Variants in PARD3 observed in about 807,000 individuals in gnomAD.
PARD3 encodes partitioning defective 3 homolog.
In PARD3, 75 loss-of-function variants were observed where a neutral mutation model predicts 155.4. The ratio of observed to expected loss-of-function variants is 0.48; its 90% CI spans 0.40 to 0.58. PARD3 has a LOEUF of 0.58. PARD3 is among the 20% of genes least tolerant of loss of function. PARD3 has a pLI of 0.00. For synonymous variants in PARD3, 576 were observed against 610.5 expected (o/e 0.94, Z 0.83); for missense variants, 1,642 against 1,721.7 (o/e 0.95, Z 0.82).
intron 22 of PARD3, among the ~76,000 whole-genome samples, chr10:34,236,161 A>T (rs535255640): frequency 6.6e-6 from 1 of 152,194 alleles, no homozygotes; most frequent in Non-Finnish European, 1.5e-5. Flanking sequence ...TTATGATCTA[A>T]GGAAATGGGG....
intron 20 of PARD3, among the ~76,000 whole-genome samples, chr10:34,298,304 ATGT>A (rs1564559504): frequency 6.6e-6 from 1 of 152,182 alleles, no homozygotes; most frequent in African/African-American, 2.4e-5. Context: ...ATAGAAACAC[ATGT>A]TAAGACACTC....
intron 2 of PARD3, among the ~76,000 whole-genome samples, chr10:34,671,992 T>C (rs569157398): frequency 4.2e-4 from 62 of 147,808 alleles, no homozygotes; most frequent in African/African-American, 1.4e-3. Flanking sequence ...CTGGGCAACA[T>C]AGGGAGACCC....
intron 1 of PARD3, among the ~76,000 whole-genome samples, chr10:34,703,647 G>C (rs539540475): frequency 2.0e-5 from 3 of 152,154 alleles, no homozygotes; most frequent in Admixed American, 2.0e-4. Flanking sequence ...GTTCCATAGA[G>C]ACCCCAACAC....
chr10:34,398,766 A>T (rs1323739757), intron 7 of PARD3, among the ~76,000 whole-genome samples: 1 of 152,218 alleles, frequency 6.6e-6, no homozygotes, highest in Non-Finnish European at 1.5e-5. Context: ...TTAAGGATGC[A>T]TGTTCTGTAA....
chr10:34,568,240 C>T (rs1463791134), intron 2 of PARD3, among the ~76,000 whole-genome samples: 1 of 152,186 alleles, frequency 6.6e-6, no homozygotes, highest in Non-Finnish European at 1.5e-5. Flanking sequence ...TCGAAATTTA[C>T]CCTGCTAAAG....
intron 3 of PARD3, among the ~76,000 whole-genome samples, chr10:34,511,721 C>A (rs1216731743): frequency 6.6e-6 from 1 of 152,132 alleles, no homozygotes; most frequent in Non-Finnish European, 1.5e-5. Flanking sequence ...AAAGGATACA[C>A]AGAATAGATT....
At chr10:34,717,526 A>G (rs1361674332) in intron 1 of PARD3, among the ~76,000 whole-genome samples, 1 of 152,194 alleles carries the variant, frequency 6.6e-6, no homozygotes, top group Non-Finnish European at 1.5e-5. Flanking sequence ...TGTAGACACC[A>G]TTCACCCAGA....
At chr10:34,545,837 T>C (rs2084001788) in intron 2 of PARD3, among the ~76,000 whole-genome samples, 1 of 152,226 alleles carries the variant, frequency 6.6e-6, no homozygotes, top group South Asian at 2.1e-4. Flanking sequence ...GGATTACAGA[T>C]GTGAGCCACT....
At chr10:34,759,138 C>T (rs1345183250) in intron 1 of PARD3, among the ~76,000 whole-genome samples, 1 of 150,984 alleles carries the variant, frequency 6.6e-6, no homozygotes, top group Non-Finnish European at 1.5e-5. Flanking sequence ...AAAAAAAACT[C>T]AATACTGAGA....
chr10:34,407,221 C>T (rs1436028593), intron 5 of PARD3, among the ~76,000 whole-genome samples: 2 of 152,306 alleles, frequency 1.3e-5, no homozygotes, highest in Non-Finnish European at 2.9e-5. Context: ...GGAGGGGCTT[C>T]TCCGGTCTAA....
At chr10:34,333,072 T>C (rs1422488845) in intron 18 of PARD3, among the ~76,000 whole-genome samples, 1 of 152,168 alleles carries the variant, frequency 6.6e-6, no homozygotes, top group African/African-American at 2.4e-5. Flanking sequence ...ATTTACCAGC[T>C]ATATTTGGCT....
intron 22 of PARD3, among the ~76,000 whole-genome samples, chr10:34,148,981 G>C (rs181843936): frequency 5.3e-5 from 8 of 152,030 alleles, no homozygotes; most frequent in Non-Finnish European, 5.9e-5. Flanking sequence ...AGAAACCGTT[G>C]ATCATGACAC....
At chr10:34,527,366 A>T (rs1345299877) in intron 2 of PARD3, among the ~76,000 whole-genome samples, 1 of 152,178 alleles carries the variant, frequency 6.6e-6, no homozygotes. Context: ...CTGACTTCAC[A>T]ATTTGAACAA....
chr10:34,712,581 C>T lies in PARD3; in HGVS notation c.121-16162G>A, dbSNP rs1454021317. 2.0e-5 allele frequency among the ~76,000 whole-genome samples: 3 copies of T among 152,338 alleles called. No homozygotes were observed. In the South Asian group the frequency reaches 6.2e-4, roughly 32 times the overall value. On this transcript the variant is annotated intron_variant, in intron 1 of 24. Transcript: ENST00000374788. ...AACACCACATAATGTCACAGTCAAG[C>T]ATAGCTTAGGCTCAGACGCTAACCT...
chr10:34,412,552 AAC>A (rs1366789318), intron 5 of PARD3, among the ~76,000 whole-genome samples: 11 of 152,212 alleles, frequency 7.2e-5, no homozygotes. Flanking sequence ...AAGTGGTGAC[AAC>A]ACAGAATGTC....
intron 1 of PARD3, among the ~76,000 whole-genome samples, chr10:34,707,883 G>C (rs2094390421): frequency 1.3e-5 from 2 of 152,140 alleles, no homozygotes; most frequent in South Asian, 4.1e-4. Context: ...ACCTCACCCT[G>C]GGAGCAGTCT....
intron 2 of PARD3, among the ~76,000 whole-genome samples, chr10:34,555,804 G>C (rs2084935463): frequency 6.6e-6 from 1 of 152,082 alleles, no homozygotes; most frequent in Non-Finnish European, 1.5e-5. Context: ...GCCCTGGGGA[G>C]GCAGAGGTGT....
At chr10:34,364,732 C>T (rs1431459081) in intron 12 of PARD3, among the ~76,000 whole-genome samples, 2 of 152,166 alleles carry the variant, frequency 1.3e-5, no homozygotes, top group African/African-American at 4.8e-5. Flanking sequence ...CCATGCCCAG[C>T]TGAGTTATTA....
chr10:34,461,334 G>A (rs1324148243), intron 4 of PARD3, among the ~76,000 whole-genome samples: 1 of 152,204 alleles, frequency 6.6e-6, no homozygotes, highest in Non-Finnish European at 1.5e-5. Context: ...GCCAGGCATG[G>A]TGGCTGATGC....
Sources: gnomAD v4.1 joint callset for allele counts (sites outside exome capture counted in the v4.1 genomes callset) on GRCh38, gnomAD v4.1.1 for gene constraint, MANE v1.5 for transcripts, NCBI Gene and HGNC (gene_info 2026-07-23, HGNC 2026-07-21) for gene names.